The following DLG2 variants were observed in gnomAD, a reference collection of about 807,000 sequenced individuals.
DLG2 encodes disks large homolog 2.
In DLG2, 45 loss-of-function variants were observed where a neutral mutation model predicts 132.5. That is an observed-to-expected ratio of 0.34 (90% confidence interval 0.27 to 0.44). DLG2 has a LOEUF of 0.44. DLG2 is among the 20% of genes least tolerant of loss of function. The probability of loss-of-function intolerance (pLI) is 1.00; values close to 1 mark genes in which losing one functional copy is unlikely to be tolerated. For synonymous variants in DLG2, 424 were observed against 419.6 expected (o/e 1.01, Z -0.13); for missense variants, 1,045 against 1,196.9 (o/e 0.87, Z 1.87).
At chr11:84,671,513 G>T (rs550272174) in intron 6 of DLG2, among the ~76,000 whole-genome samples, 3 of 152,206 alleles carry the variant, frequency 2.0e-5, no homozygotes, top group South Asian at 4.2e-4. Flanking sequence ...GAGATTAGTT[G>T]TACAGCCTTC....
At chr11:84,410,783 T>C (rs1004123433) in intron 7 of DLG2, among the ~76,000 whole-genome samples, 1 of 151,986 alleles carries the variant, frequency 6.6e-6, no homozygotes, top group Non-Finnish European at 1.5e-5. Context: ...TTTCACCATG[T>C]TGGCCAGCCT....
At chr11:83,619,691 T>A (rs2061348898) in intron 19 of DLG2, among the ~76,000 whole-genome samples, 1 of 152,056 alleles carries the variant, frequency 6.6e-6, no homozygotes, top group East Asian at 1.9e-4. Flanking sequence ...AGGCCCCCAT[T>A]TATGAGGAAA....
chr11:85,074,616 C>T (rs944253450), intron 6 of DLG2, among the ~76,000 whole-genome samples: 5 of 151,802 alleles, frequency 3.3e-5, no homozygotes, highest in Admixed American at 2.6e-4. Context: ...TAGAAGAATA[C>T]TGGACATCAA....
intron 3 of DLG2, among the ~76,000 whole-genome samples, chr11:85,480,472 T>C (rs527465828): frequency 6.6e-6 from 1 of 152,232 alleles, no homozygotes; most frequent in South Asian, 2.1e-4. Context: ...AGATGTGATA[T>C]TGAACAAAAA....
At chr11:84,538,334 C>G (rs1465711171) in intron 6 of DLG2, among the ~76,000 whole-genome samples, 1 of 152,174 alleles carries the variant, frequency 6.6e-6, no homozygotes, top group African/African-American at 2.4e-5. Context: ...TATTGTGTCC[C>G]CATCCAAATT....
intron 7 of DLG2, among the ~76,000 whole-genome samples, chr11:84,399,471 G>C (rs926538325): frequency 6.6e-6 from 1 of 152,120 alleles, no homozygotes. Context: ...TGTCACCCAG[G>C]CTGGAGTGCA....
intron 19 of DLG2, among the ~76,000 whole-genome samples, chr11:83,624,096 A>G (rs531170919): frequency 1.1e-3 from 174 of 152,294 alleles, no homozygotes; most frequent in African/African-American, 3.7e-3. Context: ...GGCAGAAAAG[A>G]AGTTTTATTA....
At chr11:85,174,253 G>T (rs1009999232) in intron 4 of DLG2, among the ~76,000 whole-genome samples, 1 of 152,036 alleles carries the variant, frequency 6.6e-6, no homozygotes, top group African/African-American at 2.4e-5. Flanking sequence ...CCTAAGAGGC[G>T]AAATAATAAC....
intron 7 of DLG2, among the ~76,000 whole-genome samples, chr11:84,444,604 T>C (rs1020491961): frequency 6.6e-6 from 1 of 152,166 alleles, no homozygotes; most frequent in Non-Finnish European, 1.5e-5. Flanking sequence ...CATATAATTG[T>C]TTCCTGGCTT....
At position 85,208,973 on chromosome 11, in the gene DLG2, A is replaced by C. The variant is rs75136756; in HGVS notation, c.187-54322T>G. Among the ~76,000 whole-genome samples the C allele has an allele frequency of 7.4e-3, 1,120 of 152,242 alleles. 2 individuals are homozygous for C. Among genetic ancestry groups the C allele is most frequent in the Non-Finnish European group, 0.012 (811 of 67,990 alleles). ...CGTACTCCCCTATCTACCCTCCCGCAATATGTAAGTCCTTTGCAAGTACAC... is the reference window on the plus strand; with the variant it reads ...CGTACTCCCCTATCTACCCTCCCGCCATATGTAAGTCCTTTGCAAGTACAC... On this transcript the variant is annotated intron_variant, in intron 4 of 27. Coordinates refer to ENST00000376104, the MANE Select transcript of DLG2 (RefSeq NM_001142699.3).
intron 6 of DLG2, among the ~76,000 whole-genome samples, chr11:84,617,926 T>G (rs1287642971): frequency 6.6e-6 from 1 of 151,928 alleles, no homozygotes; most frequent in African/African-American, 2.4e-5. Flanking sequence ...AAGAAAGTAA[T>G]GCAGTGTTGT....
At chr11:85,532,883 A>T (rs1280421559) in intron 3 of DLG2, among the ~76,000 whole-genome samples, 1 of 152,198 alleles carries the variant, frequency 6.6e-6, no homozygotes, top group East Asian at 1.9e-4. Context: ...TCCTTATCTT[A>T]TGTTAAAAAT....
At chr11:83,874,164 TAGAA>T (rs1488227976) in intron 16 of DLG2, among the ~76,000 whole-genome samples, 3 of 66,162 alleles carry the variant, frequency 4.5e-5, no homozygotes, top group Non-Finnish European at 2.9e-5. Flanking sequence ...GAAAGAAAGA[TAGAA>T]AGAGAAAGAG....
At chr11:84,096,851 A>G (rs2097171889) in intron 10 of DLG2, among the ~76,000 whole-genome samples, 1 of 151,524 alleles carries the variant, frequency 6.6e-6, no homozygotes, top group South Asian at 2.1e-4. Context: ...CAAAAAGCTT[A>G]TTTCATGTGG....
chr11:83,892,211 GA>G lies in DLG2; in HGVS notation c.1497-17724del, dbSNP rs533692357. On this transcript the variant is annotated intron_variant, in intron 15 of 27. Transcript: ENST00000376104. ...ATTGAAAAGAAGAAAAAGTAAGTTG[GA>G]AATTAAGAGCCCAACATGATAAATG... 9.1e-4 allele frequency among the ~76,000 whole-genome samples: 139 copies of G among 152,224 alleles called. 2 individuals are homozygous for G. Among genetic ancestry groups the G allele is most frequent in the African/African-American group, 3.2e-3 (133 of 41,536 alleles).
intron 6 of DLG2, among the ~76,000 whole-genome samples, chr11:84,870,990 A>G (rs1404283280): frequency 6.6e-6 from 1 of 152,238 alleles, no homozygotes; most frequent in Non-Finnish European, 1.5e-5. Flanking sequence ...TCCTTTTACA[A>G]AATGCACTGG....
chr11:83,568,165 C>T (rs638692), intron 19 of DLG2, among the ~76,000 whole-genome samples: 75,668 of 151,846 alleles, frequency 0.5, 19,838 homozygotes, highest in African/African-American at 0.65. Flanking sequence ...GATGAGTGTC[C>T]GAGCTAAGGT....
intron 7 of DLG2, among the ~76,000 whole-genome samples, chr11:84,513,661 T>C (rs1329098729): frequency 1.3e-5 from 2 of 151,986 alleles, no homozygotes; most frequent in African/African-American, 2.4e-5. Flanking sequence ...ACCCATCTCT[T>C]GCTTCATACA....
At chr11:85,274,001 A>C (rs2077717757) in intron 4 of DLG2, among the ~76,000 whole-genome samples, 1 of 152,222 alleles carries the variant, frequency 6.6e-6, no homozygotes, top group African/African-American at 2.4e-5. Flanking sequence ...AAACTATCAC[A>C]AGAACAGAAA....
Sources: allele counts gnomAD v4.1 joint callset (sites outside exome capture counted in the v4.1 genomes callset), GRCh38; gene constraint gnomAD v4.1.1; transcripts MANE v1.5; gene names NCBI Gene and HGNC (gene_info 2026-07-23, HGNC 2026-07-21).